The following TENM3 variants were observed in gnomAD, a reference collection of about 807,000 sequenced individuals.
TENM3 encodes teneurin-3.
A neutral mutation model predicts 255.1 loss-of-function variants in TENM3; 63 were observed. That is an observed-to-expected ratio of 0.25 (90% CI 0.20 to 0.30). TENM3 has a LOEUF of 0.30. Ranked by LOEUF, TENM3 falls within the 10% of genes least tolerant of loss-of-function variation. The probability of loss-of-function intolerance (pLI) is 1.00; values close to 1 mark genes in which losing one functional copy is unlikely to be tolerated. For synonymous variants in TENM3, 1,306 were observed against 1,322.3 expected, an observed-to-expected ratio of 0.99 and a Z score of 0.27; for missense variants, 2,929 against 3,461.1, an observed-to-expected ratio of 0.85 and a Z score of 3.86.
the TENM3 span, among the ~76,000 whole-genome samples, chr4:181,901,311 A>T: frequency 6.6e-6 from 1 of 152,166 alleles, no homozygotes; most frequent in African/African-American, 2.4e-5. Context: ...CCTAGTAAGG[A>T]TCTTGAAATA....
At chr4:182,564,388 A>G (rs1743544669) in intron 3 of TENM3, among the ~76,000 whole-genome samples, 4 of 151,848 alleles carry the variant, frequency 2.6e-5, no homozygotes, top group Admixed American at 6.6e-5. Context: ...TCCTGGGCTC[A>G]AACAGTCCTC....
chr4:182,056,168 G>A, the TENM3 span, among the ~76,000 whole-genome samples: 1 of 151,990 alleles, frequency 6.6e-6, no homozygotes, highest in Non-Finnish European at 1.5e-5. Flanking sequence ...CCTCCAACAG[G>A]AGAATTTATA....
At chr4:182,524,352 C>CTTTTTT (rs138783384) in intron 3 of TENM3, among the ~76,000 whole-genome samples, 1 of 59,444 alleles carries the variant, frequency 1.7e-5, no homozygotes, top group Non-Finnish European at 2.9e-5. Flanking sequence ...CACTGATGAG[C>CTTTTTT]TTTTTTTTTT....
chr4:182,248,536 G>T (rs1401195115), intron 1 of TENM3, among the ~76,000 whole-genome samples: 1 of 151,958 alleles, frequency 6.6e-6, no homozygotes, highest in Non-Finnish European at 1.5e-5. Context: ...TAGTAAGTTG[G>T]GTAATTTAAG....
chr4:181,864,694 G>A, the TENM3 span, among the ~76,000 whole-genome samples: 2 of 152,104 alleles, frequency 1.3e-5, no homozygotes, highest in Admixed American at 1.3e-4. Context: ...ACAAGCTGAT[G>A]GGTTAAACCG....
At chr4:182,096,236 A>G in the TENM3 span, among the ~76,000 whole-genome samples, 2 of 152,214 alleles carry the variant, frequency 1.3e-5, no homozygotes, top group Admixed American at 6.5e-5. Flanking sequence ...GAGTGAGTGA[A>G]GAAGGCCCCA....
chr4:182,325,625 A>G (rs1763343765), intron 2 of TENM3, among the ~76,000 whole-genome samples: 1 of 152,234 alleles, frequency 6.6e-6, no homozygotes, highest in African/African-American at 2.4e-5. Flanking sequence ...TTATCAGTGT[A>G]CATTTTTTCA....
the TENM3 span, among the ~76,000 whole-genome samples, chr4:181,694,553 A>G: frequency 6.6e-6 from 1 of 152,246 alleles, no homozygotes; most frequent in Non-Finnish European, 1.5e-5. Context: ...TCTGAACTAC[A>G]GTGCACTTCT....
At chr4:182,343,620 AAGCCC>A (rs980007882) in intron 2 of TENM3, among the ~76,000 whole-genome samples, 1 of 151,654 alleles carries the variant, frequency 6.6e-6, no homozygotes, top group East Asian at 1.9e-4. Context: ...CCACTACTAC[AAGCCC>A]AGCCCAGCCC....
chr4:182,433,962 A>T (rs992303933), intron 3 of TENM3, among the ~76,000 whole-genome samples: 1 of 152,138 alleles, frequency 6.6e-6, no homozygotes, highest in Non-Finnish European at 1.5e-5. Flanking sequence ...AAAACATTTT[A>T]AAAATTAGGC....
At chr4:181,833,560 A>G in the TENM3 span, among the ~76,000 whole-genome samples, 3 of 152,132 alleles carry the variant, frequency 2.0e-5, no homozygotes, top group South Asian at 4.2e-4. Flanking sequence ...AGGCCATTCA[A>G]ATATGGCCCC....
At chr4:181,825,349 C>T in the TENM3 span, among the ~76,000 whole-genome samples, 26 of 126,754 alleles carry the variant, frequency 2.1e-4, no homozygotes, top group African/African-American at 7.0e-4. Context: ...TGCAGTGAGC[C>T]GAGATCACAC....
At chr4:182,128,744 T>C in the TENM3 span, among the ~76,000 whole-genome samples, 255 of 152,298 alleles carry the variant, frequency 1.7e-3, 3 homozygotes, top group African/African-American at 5.7e-3. Context: ...TCTCCTAAAT[T>C]TATCATTAAA....
chr4:182,600,897 C>CTTTTT (rs548783934), intron 3 of TENM3, 27 bp from the exon 4 acceptor site: 909 of 495,754 alleles, frequency 1.8e-3, no homozygotes, highest in African/African-American at 4.6e-3. Flanking sequence ...AGTTCTCTTT[C>CTTTTT]TTTTTTTTTT....
At chr4:182,324,336 C>G (rs1763258808) in intron 2 of TENM3, 84 bp downstream of exon 2, 5 of 1,028,010 alleles carry the variant, frequency 4.9e-6, no homozygotes, top group African/African-American at 1.6e-5. Context: ...GGTGACATGT[C>G]TGTTTTCTGA....
At chr4:182,645,301 G>A (rs1002699155) in intron 5 of TENM3, among the ~76,000 whole-genome samples, 11 of 152,110 alleles carry the variant, frequency 7.2e-5, no homozygotes, top group African/African-American at 2.4e-4. Context: ...AGCCCAGTCA[G>A]GAAAGAATTC....
chr4:181,749,276 G>A, the TENM3 span, among the ~76,000 whole-genome samples: 1 of 151,884 alleles, frequency 6.6e-6, no homozygotes, highest in Non-Finnish European at 1.5e-5. Flanking sequence ...AAATCTTCCT[G>A]AGGAAAAAGA....
At chr4:182,364,084 A>C (rs1206245217) in intron 3 of TENM3, among the ~76,000 whole-genome samples, 1 of 152,042 alleles carries the variant, frequency 6.6e-6, no homozygotes, top group Non-Finnish European at 1.5e-5. Flanking sequence ...TTGTGCTTTC[A>C]CATAATCACT....
the TENM3 span, among the ~76,000 whole-genome samples, chr4:181,933,419 C>T: frequency 3.3e-5 from 5 of 152,280 alleles, no homozygotes; most frequent in African/African-American, 1.2e-4. Context: ...AGGTCCATTA[C>T]ACCAATTATA....
Sources: allele counts gnomAD v4.1 joint callset (sites outside exome capture counted in the v4.1 genomes callset), GRCh38; gene constraint gnomAD v4.1.1; transcripts MANE v1.5; gene names NCBI Gene and HGNC (gene_info 2026-07-23, HGNC 2026-07-21).